THBS4: variants seen among roughly 807,000 people sequenced by gnomAD.
THBS4 encodes thrombospondin-4.
In THBS4, 90 loss-of-function variants were observed where a neutral mutation model predicts 115.7. That is an observed-to-expected ratio of 0.78 (90% CI 0.66 to 0.93). The LOEUF (loss-of-function observed/expected upper bound fraction) is 0.93. Among genes scored for constraint, THBS4 ranks in the 40% least tolerant of loss-of-function variants. The pLI, the probability that THBS4 is intolerant of heterozygous loss-of-function variation, is 0.00. For synonymous variants in THBS4, 460 were observed against 479.3 expected (o/e 0.96, Z 0.53); for missense variants, 1,087 against 1,232.7 (o/e 0.88, Z 1.77).
At chr5:80,036,889 G>C (rs1832735842) in intron 1 of THBS4, among the ~76,000 whole-genome samples, 1 of 152,188 alleles carries the variant, frequency 6.6e-6, no homozygotes, top group Admixed American at 6.5e-5. Flanking sequence ...CAACTTCCCT[G>C]CCTCTCGCTG....
chr5:80,078,987 G>T lies in THBS4; in HGVS notation c.2314+18G>T, dbSNP rs769710238. On this transcript the variant is annotated intron_variant, in intron 18 of 21. Coordinates refer to ENST00000350881, the MANE Select transcript of THBS4 (RefSeq NM_003248.6). ...GGCAGTGGGTATGTCCAGGGCCTCAGTTGCCACTCACATAGAATTCTTCCA... is the reference window on the plus strand; with the variant it reads ...GGCAGTGGGTATGTCCAGGGCCTCATTTGCCACTCACATAGAATTCTTCCA... 17 of 1,613,886 alleles carry T rather than the reference G, an allele frequency of 1.1e-5. No homozygotes were observed. The African/African-American group carries it at 2.1e-4, about 20-fold the overall frequency.
upstream of THBS4, among the ~76,000 whole-genome samples, chr5:80,032,837 A>G (rs927341609): frequency 3.9e-5 from 6 of 152,046 alleles, no homozygotes; most frequent in African/African-American, 1.2e-4. Flanking sequence ...TCAGGTGTTA[A>G]TCTCCTTTGG....
intron 7 of THBS4, among the ~76,000 whole-genome samples, chr5:80,060,175 C>T (rs774249821): frequency 6.6e-6 from 1 of 152,216 alleles, no homozygotes; most frequent in Admixed American, 6.5e-5. Context: ...TACACGCTGA[C>T]ATTTGCATTG....
At chr5:80,007,618 T>C (rs1832044254) in intron 2 of THBS4, among the ~76,000 whole-genome samples, 1 of 152,202 alleles carries the variant, frequency 6.6e-6, no homozygotes, top group Non-Finnish European at 1.5e-5. Context: ...TCGCACTCTG[T>C]CAAGTGATGT....
At chr5:80,014,375 T>C (rs1014734730) in intron 2 of THBS4, among the ~76,000 whole-genome samples, 1 of 152,192 alleles carries the variant, frequency 6.6e-6, no homozygotes, top group African/African-American at 2.4e-5. Context: ...GAGGTACTGA[T>C]GATTCCAGCA....
Position 80,012,535 on chromosome 5 carries a change from AG to A in THBS4, n.177+14110del, listed in dbSNP as rs572190598. 3.2e-3 allele frequency among the ~76,000 whole-genome samples: 486 copies of A among 152,308 alleles called. 3 individuals carry two copies. The highest frequency in any genetic ancestry group is 0.01 in the Middle Eastern group (3 of 294). ...TCTCAAATGGCTGATGAGCTCCTAG[AG>A]GTGTCCTTGGTCTCTTCCCCAGAGG... is the stretch of plus-strand genomic sequence containing the variant. On this transcript the variant is annotated intron_variant and non_coding_transcript_variant, in intron 2 of 3. Coordinates refer to the THBS4 transcript ENST00000510218.
intron 10 of THBS4, among the ~76,000 whole-genome samples, chr5:80,069,453 G>A (rs1454571786): frequency 3.3e-5 from 5 of 152,174 alleles, no homozygotes; most frequent in African/African-American, 1.2e-4. Flanking sequence ...TGAGAAACAA[G>A]TGTATATCTC....
chr5:80,008,117 T>C (rs1208531596), intron 2 of THBS4, among the ~76,000 whole-genome samples: 2 of 152,224 alleles, frequency 1.3e-5, no homozygotes, highest in East Asian at 1.9e-4. Context: ...AAGAAGAAAC[T>C]AATGATACTT....
At chr5:80,072,707 G>A in intron 14 of THBS4, 1 of 350,972 alleles carries the variant, frequency 2.8e-6, no homozygotes, top group East Asian at 5.0e-5. Context: ...ACCATTGGGA[G>A]CCTTGTGTCC....
chr5:79,992,160 C>T (rs545421861), intron 1 of THBS4, among the ~76,000 whole-genome samples: 4 of 152,284 alleles, frequency 2.6e-5, no homozygotes, highest in Non-Finnish European at 4.4e-5. Flanking sequence ...TGTTTCTTGA[C>T]GTTAAACCTG....
intron 2 of THBS4, chr5:80,052,582 C>T (rs1257977358): frequency 6.6e-6 from 1 of 152,218 alleles, no homozygotes; most frequent in East Asian, 1.9e-4. Flanking sequence ...TCCGATTCTT[C>T]TCCCTCAAGA....
chr5:80,040,388 C>A, intron 2 of THBS4, 108 bp downstream of exon 2: 1 of 876,452 alleles, frequency 1.1e-6, no homozygotes. Flanking sequence ...TATTCTCACT[C>A]ACTAGTCATT....
chr5:80,010,547 G>A (rs1304577523), intron 2 of THBS4, among the ~76,000 whole-genome samples: 2 of 152,186 alleles, frequency 1.3e-5, no homozygotes, highest in African/African-American at 4.8e-5. Flanking sequence ...CTGTAGAAAG[G>A]TAGGCAGAGA....
intron 1 of THBS4, among the ~76,000 whole-genome samples, chr5:79,994,136 C>G (rs2151146725): frequency 6.6e-6 from 1 of 152,306 alleles, no homozygotes; most frequent in Non-Finnish European, 1.5e-5. Flanking sequence ...GGAGCAATTT[C>G]TACATGCCAG....
chr5:80,005,332 T>TC (rs1207985855), intron 2 of THBS4, among the ~76,000 whole-genome samples: 2 of 152,358 alleles, frequency 1.3e-5, no homozygotes, highest in East Asian at 3.9e-4. Flanking sequence ...GTTTAGCCGC[T>TC]TGTTATTTCC....
At chr5:80,067,500 T>C (rs1234653322) in intron 9 of THBS4, 1 of 152,606 alleles carries the variant, frequency 6.6e-6, no homozygotes, top group African/African-American at 2.4e-5. Flanking sequence ...TCAGAAATTC[T>C]CAATGCAGGC....
At chr5:80,062,664 C>A (rs1279274475) in intron 8 of THBS4, among the ~76,000 whole-genome samples, 1 of 152,166 alleles carries the variant, frequency 6.6e-6, no homozygotes, top group Non-Finnish European at 1.5e-5. Flanking sequence ...AGGTATATCT[C>A]CTAATGCTAT....
chr5:80,004,721 C>T (rs896718825), intron 2 of THBS4, among the ~76,000 whole-genome samples: 4 of 152,046 alleles, frequency 2.6e-5, no homozygotes, highest in African/African-American at 9.7e-5. Context: ...GAATAAAAAA[C>T]AATTTATTTA....
At position 80,059,808 on chromosome 5, in the gene THBS4, G is replaced by A. The variant is rs144667558; in HGVS notation, c.890G>A (p.Arg297Gln). ...PRRCDSNPCF[R>Q]GVQCTDSRDG... ...CGGTGTGACTCCAACCCATGTTTCC[G>A]AGGTGTCCAATGTACCGACAGTAGA... The change falls in exon 7 of 22, where the codon CGA (arginine) becomes CAA (glutamine). Residue 297 changes from arginine (R) to glutamine (Q), a missense_variant. Physicochemically the swap from Arg to Gln is conservative, Grantham distance 43. Transcript: ENST00000350881. 190 of 1,614,012 alleles carry A rather than the reference G, an allele frequency of 1.2e-4. No homozygotes were observed. Among genetic ancestry groups the A allele is most frequent in the Admixed American group, 2.2e-4 (13 of 59,994 alleles).
Sources: allele counts gnomAD v4.1 joint callset (sites outside exome capture counted in the v4.1 genomes callset), GRCh38; gene constraint gnomAD v4.1.1; transcripts MANE v1.5; gene names NCBI Gene and HGNC (gene_info 2026-07-23, HGNC 2026-07-21).